Variants in OSBPL9 observed in about 807,000 individuals in gnomAD.
OSBPL9 encodes oxysterol binding protein like 9.
Under a neutral mutation model 106.6 loss-of-function variants are expected in OSBPL9, and 40 were observed. That is an observed-to-expected ratio of 0.38 (90% confidence interval 0.29 to 0.49). The LOEUF is 0.49. OSBPL9 is among the 20% of genes least tolerant of loss of function. The pLI is 0.97. For synonymous variants in OSBPL9, 269 were observed against 295.4 expected, an observed-to-expected ratio of 0.91 and a Z score of 0.92; for missense variants, 609 against 887.2, an observed-to-expected ratio of 0.69 and a Z score of 3.98.
At chr1:51,656,308 A>G (rs1443622721) in intron 2 of OSBPL9, among the ~76,000 whole-genome samples, 8 of 152,156 alleles carry the variant, frequency 5.3e-5, no homozygotes, top group African/African-American at 2.4e-5. Flanking sequence ...ATGATGATGA[A>G]TATGGTAGTG....
intron 4 of OSBPL9, among the ~76,000 whole-genome samples, chr1:51,715,770 A>G (rs1295441860): frequency 2.0e-5 from 3 of 151,566 alleles, no homozygotes; most frequent in African/African-American, 7.3e-5. Context: ...CTTCAAATAC[A>G]TTTTTTCATT....
At chr1:51,590,322 A>T (rs1463254827) in intron 1 of OSBPL9, among the ~76,000 whole-genome samples, 1 of 139,988 alleles carries the variant, frequency 7.1e-6, no homozygotes, top group African/African-American at 3.0e-5. Context: ...TACAGGAGGT[A>T]AAAAAAAAAA....
intron 4 of OSBPL9, among the ~76,000 whole-genome samples, chr1:51,726,908 T>G (rs1259815783): frequency 6.6e-6 from 1 of 152,208 alleles, no homozygotes; most frequent in African/African-American, 2.4e-5. Context: ...ACTTTTTATT[T>G]TAAATGCTAC....
chr1:51,671,574 T>G lies in OSBPL9; in HGVS notation c.241+2062T>G, dbSNP rs145433074. 8.6e-4 allele frequency among the ~76,000 whole-genome samples: 131 copies of G among 152,318 alleles called. 1 individual carries two copies. Among genetic ancestry groups the G allele is most frequent in the African/African-American group, 2.9e-3 (120 of 41,574 alleles). On this transcript the variant is annotated intron_variant, in intron 3 of 23. Coordinates refer to ENST00000428468, the MANE Select transcript of OSBPL9 (RefSeq NM_024586.6). ...TGGTATACAAAACAGATAAAATTCCTTGCCCCTTGAGTCATCCATTCCAGG... is the reference window on the plus strand; with the variant it reads ...TGGTATACAAAACAGATAAAATTCCGTGCCCCTTGAGTCATCCATTCCAGG...
At chr1:51,719,306 A>T (rs969010816) in intron 4 of OSBPL9, among the ~76,000 whole-genome samples, 7 of 152,178 alleles carry the variant, frequency 4.6e-5, no homozygotes, top group Non-Finnish European at 7.4e-5. Flanking sequence ...TCATGTCTTT[A>T]CATTCAGCCA....
chr1:51,703,602 T>C lies in OSBPL9; in HGVS notation c.242-10401T>C, dbSNP rs72898049. Among the ~76,000 whole-genome samples, 1,094 of 152,342 alleles carry C rather than the reference T, an allele frequency of 7.2e-3. 10 individuals are homozygous for C. Among genetic ancestry groups the C allele is most frequent in the African/African-American group, 0.025 (1,052 of 41,588 alleles). On this transcript the variant is annotated intron_variant, in intron 3 of 23. Coordinates refer to ENST00000428468, the MANE Select transcript of OSBPL9 (RefSeq NM_024586.6). The stretch of plus-strand genomic sequence containing the variant: ...GTATCAAGTCAAGGGACAATTTGAC[T>C]TCTTCTCTTCCTAATTGAAGACCTT...
chr1:51,678,623 T>C (rs1296910809), intron 3 of OSBPL9, among the ~76,000 whole-genome samples: 3 of 150,468 alleles, frequency 2.0e-5, no homozygotes, highest in Non-Finnish European at 4.4e-5. Context: ...ATCATGCCAC[T>C]GCACTCCAGC....
intron 4 of OSBPL9, among the ~76,000 whole-genome samples, chr1:51,716,263 T>G (rs1025889238): frequency 6.6e-6 from 1 of 152,234 alleles, no homozygotes; most frequent in African/African-American, 2.4e-5. Flanking sequence ...AAAAGATTAT[T>G]TTCTCAGATG....
the OSBPL9 span, among the ~76,000 whole-genome samples, chr1:51,553,702 CAG>C: frequency 6.6e-6 from 1 of 151,638 alleles, no homozygotes; most frequent in South Asian, 2.1e-4. Context: ...TTTTTTGAGA[CAG>C]AGTTTCACTC....
At chr1:51,587,799 C>T (rs1645253705) in intron 1 of OSBPL9, among the ~76,000 whole-genome samples, 2 of 152,338 alleles carry the variant, frequency 1.3e-5, no homozygotes, top group East Asian at 1.9e-4. Context: ...CAAAATGTAA[C>T]CCAACCCTGC....
At chr1:51,702,000 G>A (rs1657387097) in intron 3 of OSBPL9, among the ~76,000 whole-genome samples, 1 of 152,168 alleles carries the variant, frequency 6.6e-6, no homozygotes, top group Admixed American at 6.5e-5. Flanking sequence ...TGGCTGCATA[G>A]TATTCCATGG....
chr1:51,636,082 A>ATGTGTGTGTG lies in OSBPL9; in HGVS notation c.112-15893_112-15884dup, dbSNP rs35392929. Among the ~76,000 whole-genome samples, 1,184 of 139,738 alleles carry ATGTGTGTGTG rather than the reference A, an allele frequency of 8.5e-3. 9 individuals carry two copies. The highest frequency in any genetic ancestry group is 0.014 in the Middle Eastern group (4 of 278). 91.7% of individuals were successfully genotyped at this position (139,738 alleles called of 152,430 possible). On this transcript the variant is annotated intron_variant, in intron 1 of 23. Transcript: ENST00000428468. ...CAATTTATGTACTGTATGTATGTAT[A>ATGTGTGTGTG]TGTGTGTGTGTGTGTGTGTGTGTGT... is the stretch of plus-strand genomic sequence containing the variant.
At chr1:51,547,879 A>T in the OSBPL9 span, among the ~76,000 whole-genome samples, 2 of 151,738 alleles carry the variant, frequency 1.3e-5, no homozygotes, top group Non-Finnish European at 2.9e-5. Context: ...AAAATAAAAT[A>T]AAATTTAGAA....
intron 1 of OSBPL9, among the ~76,000 whole-genome samples, chr1:51,593,619 G>A (rs1370067293): frequency 6.6e-6 from 1 of 151,980 alleles, no homozygotes; most frequent in African/African-American, 2.4e-5. Flanking sequence ...CTTAAGTTTC[G>A]CCTTCTCCCT....
intron 12 of OSBPL9, 70 bp downstream of exon 12, chr1:51,766,051 A>G: frequency 7.1e-7 from 1 of 1,414,902 alleles, no homozygotes; most frequent in Non-Finnish European, 9.5e-7. Flanking sequence ...TGATTTTGAG[A>G]CTAGTGTTAA....
intron 4 of OSBPL9, among the ~76,000 whole-genome samples, chr1:51,723,244 T>G (rs1378477111): frequency 6.6e-6 from 1 of 152,246 alleles, no homozygotes; most frequent in Non-Finnish European, 1.5e-5. Flanking sequence ...TATCCACCAT[T>G]ATAGTGTCAT....
intron 1 of OSBPL9, among the ~76,000 whole-genome samples, chr1:51,650,753 A>G (rs1389594589): frequency 1.3e-5 from 2 of 152,188 alleles, no homozygotes; most frequent in Non-Finnish European, 2.9e-5. Context: ...GGAAAATACC[A>G]GTTGTTCAAG....
chr1:51,625,109 G>T (rs949034943), intron 1 of OSBPL9, among the ~76,000 whole-genome samples: 5 of 152,168 alleles, frequency 3.3e-5, no homozygotes, highest in Non-Finnish European at 5.9e-5. Flanking sequence ...AACAACAGAG[G>T]TTTTTTGTTT....
In OSBPL9 at chr1:51,669,471, C is replaced by G. The variant is rs1197175907; in HGVS notation, c.200C>G (p.Thr67Ser). ...VIGIDDEDDS[T>S]FTITVDQKTF... ...GGTATAGACGATGAGGACGACAGCACCTTCACAATAACTGTTGATCAGAAA... is the reference window on the plus strand; with the variant it reads ...GGTATAGACGATGAGGACGACAGCAGCTTCACAATAACTGTTGATCAGAAA... The change falls in exon 3 of 24, where the codon ACC becomes AGC. Residue 67 changes from threonine to serine, a missense_variant. Transcript: ENST00000428468. The G allele has an allele frequency of 8.1e-6, 13 of 1,613,968 alleles. No individual in the cohort carries two copies. In the Admixed American group the frequency reaches 2.2e-4, roughly 27 times the overall value.
Sources: allele counts gnomAD v4.1 joint callset (sites outside exome capture counted in the v4.1 genomes callset), GRCh38; gene constraint gnomAD v4.1.1; transcripts MANE v1.5; gene names NCBI Gene and HGNC (gene_info 2026-07-23, HGNC 2026-07-21).